The following NAALAD2 variants were observed in gnomAD, a reference collection of about 807,000 sequenced individuals.
NAALAD2 encodes N-acetylated-alpha-linked acidic dipeptidase 2.
In NAALAD2, 89 loss-of-function variants were observed where a neutral mutation model predicts 95.6. The observed-to-expected ratio is 0.93, with a 90% CI of 0.78 to 1.11. The LOEUF is 1.11. Ranked by LOEUF, NAALAD2 falls within the 50% of genes least tolerant of loss-of-function variation. The pLI is 0.00. For synonymous variants in NAALAD2, 264 were observed against 294.4 expected, an observed-to-expected ratio of 0.90 and a Z score of 1.06; for missense variants, 894 against 872.4, an observed-to-expected ratio of 1.02 and a Z score of -0.31.
At position 90,182,909 on chromosome 11, in the gene NAALAD2, C is replaced by T. The variant is rs1289664269; in HGVS notation, c.1941-7C>T. 1.3e-6 allele frequency: 2 copies of T among 1,595,142 alleles called. No homozygotes were observed. The highest frequency in any genetic ancestry group is 1.7e-6 in the Non-Finnish European group (2 of 1,163,634). Reference sequence around the variant, plus strand: ...GCGTTATAATTATGTATATGTTCTTCTCGAAGTCCCATTGCAGTGAGAATG... The same window carrying T: ...GCGTTATAATTATGTATATGTTCTTTTCGAAGTCCCATTGCAGTGAGAATG... On this transcript the variant is annotated splice_polypyrimidine_tract_variant and splice_region_variant and intron_variant, in intron 17 of 18. Coordinates refer to ENST00000534061, the MANE Select transcript of NAALAD2 (RefSeq NM_005467.4).
intron 8 of NAALAD2, 75 bp downstream of exon 8, chr11:90,159,412 C>A: frequency 9.3e-7 from 1 of 1,079,924 alleles, no homozygotes; most frequent in Non-Finnish European, 1.4e-6. Flanking sequence ...AACTGTTCTG[C>A]CAGGGGTATT....
chr11:90,186,542 A>G (rs1857148818), intron 18 of NAALAD2, among the ~76,000 whole-genome samples: 1 of 152,210 alleles, frequency 6.6e-6, no homozygotes, highest in African/African-American at 2.4e-5. Flanking sequence ...GTATATACCC[A>G]GTAATGGGAT....
chr11:90,152,183 G>T, intron 5 of NAALAD2, 115 bp from the exon 6 acceptor site: 1 of 927,098 alleles, frequency 1.1e-6, no homozygotes, highest in Non-Finnish European at 1.5e-6. Flanking sequence ...ATGTGTAATT[G>T]TATGGTAAAA....
chr11:90,173,750 AAT>A, intron 13 of NAALAD2, 72 bp from the exon 14 acceptor site: 1 of 988,758 alleles, frequency 1.0e-6, no homozygotes, highest in South Asian at 1.5e-5. Context: ...GATGACAAAT[AAT>A]ATATAGTTTT....
chr11:90,164,821 G>A (rs184629503), intron 11 of NAALAD2, among the ~76,000 whole-genome samples: 3 of 152,008 alleles, frequency 2.0e-5, no homozygotes, highest in Admixed American at 2.0e-4. Flanking sequence ...TGAAAAACCT[G>A]GTTTGAAATG....
chr11:90,151,961 G>T (rs1374396897), intron 5 of NAALAD2, among the ~76,000 whole-genome samples: 4 of 152,154 alleles, frequency 2.6e-5, no homozygotes, highest in Non-Finnish European at 5.9e-5. Flanking sequence ...TAATAGGAGA[G>T]ATAGATATTT....
chr11:90,144,673 C>T (rs564419461), intron 2 of NAALAD2, among the ~76,000 whole-genome samples: 15 of 142,658 alleles, frequency 1.1e-4, no homozygotes, highest in Non-Finnish European at 2.2e-4. Context: ...ACCTGGGAGG[C>T]GGAGGTTGCA....
intron 18 of NAALAD2, among the ~76,000 whole-genome samples, chr11:90,184,879 G>C (rs1320446593): frequency 2.5e-4 from 38 of 151,942 alleles, no homozygotes; most frequent in Admixed American, 2.5e-3. Context: ...AAAATGAATG[G>C]TTGTGTCTGT....
chr11:90,172,088 A>C (rs1952658420), intron 13 of NAALAD2, among the ~76,000 whole-genome samples: 1 of 152,210 alleles, frequency 6.6e-6, no homozygotes, highest in East Asian at 1.9e-4. Flanking sequence ...AGTATGATTC[A>C]GAAAATGAAG....
rs773524851 is a variant in NAALAD2 at position 90,191,724 on chromosome 11, G to C, written c.2200G>C (p.Gly734Arg). The part of the protein sequence containing the change: ...IAAFTIQAAA[G>R]TLKEVL ...AGCTTTTACAATTCAAGCAGCAGCA[G>C]GAACTCTGAAAGAAGTATTATAGAA... Residue 734 changes from glycine to arginine, a missense_variant, in exon 19 of 19, where the codon GGA (glycine) becomes CGA (arginine). Physicochemically the swap from Gly to Arg is moderately radical, Grantham distance 125. Coordinates refer to ENST00000534061, the MANE Select transcript of NAALAD2 (RefSeq NM_005467.4). The C allele has an allele frequency of 6.3e-7, 1 of 1,588,440 alleles. No individual in the cohort carries two copies. The highest frequency in any genetic ancestry group is 1.4e-5 in the African/African-American group (1 of 73,948).
intron 13 of NAALAD2, among the ~76,000 whole-genome samples, chr11:90,173,332 G>C (rs1274305570): frequency 6.6e-6 from 1 of 152,136 alleles, no homozygotes; most frequent in Non-Finnish European, 1.5e-5. Context: ...ACCCCTGCCT[G>C]CCCTGCAAAA....
chr11:90,170,179 A>G (rs924628392), intron 13 of NAALAD2, 43 bp downstream of exon 13: 1 of 1,133,718 alleles, frequency 8.8e-7, no homozygotes, highest in Non-Finnish European at 1.3e-6. Flanking sequence ...TTTTGAATGG[A>G]TAAATGAATA....
At position 90,181,608 on chromosome 11, in the gene NAALAD2, T is replaced by G. The variant is rs1170469541; in HGVS notation, c.1859-12T>G. On this transcript the variant is annotated splice_polypyrimidine_tract_variant and intron_variant, in intron 16 of 18. Transcript: ENST00000534061. Reference sequence around the variant, plus strand: ...AGCTAATTTCTCTTCTTCTTTTCTATTTTTAAAAAAGACTCCTTATTTTCT... The same window carrying G: ...AGCTAATTTCTCTTCTTCTTTTCTAGTTTTAAAAAAGACTCCTTATTTTCT... The G allele has an allele frequency of 6.4e-7, 1 of 1,562,498 alleles. No homozygotes were observed.
chr11:90,164,639 T>A (rs1322691869), intron 11 of NAALAD2, among the ~76,000 whole-genome samples: 1 of 152,190 alleles, frequency 6.6e-6, no homozygotes, highest in African/African-American at 2.4e-5. Context: ...ACAGTAGCTA[T>A]GTGATTTACC....
At chr11:90,187,999 G>C (rs542793439) in intron 18 of NAALAD2, among the ~76,000 whole-genome samples, 100 of 152,328 alleles carry the variant, frequency 6.6e-4, no homozygotes, top group Admixed American at 1.6e-3. Context: ...GATGGATGAA[G>C]AGTTACAGAC....
intron 7 of NAALAD2, chr11:90,158,455 A>G: frequency 2.3e-6 from 1 of 433,934 alleles, no homozygotes; most frequent in Non-Finnish European, 4.1e-6. Flanking sequence ...GTTCGCTACA[A>G]ATGAAATTCT....
Position 90,163,330 on chromosome 11 carries a change from G to C in NAALAD2, c.1096G>C (p.Gly366Arg). The C allele has an allele frequency of 6.2e-7, 1 of 1,613,784 alleles. No individual in the cohort carries two copies. Among genetic ancestry groups the C allele is most frequent in the African/African-American group, 1.3e-5 (1 of 75,018 alleles). ...TCCAGACAGGTATGTTATTCTGGGA[G>C]GTCACCGGGACTCCTGGGTATTTGG... is the stretch of plus-strand genomic sequence containing the variant. ...VEPDRYVILG[G>R]HRDSWVFGAI... Residue 366 changes from glycine to arginine, a missense_variant, in exon 10 of 19, where the codon GGT (glycine) becomes CGT (arginine). By Grantham distance (125) the Gly-to-Arg change is moderately radical. Transcript: ENST00000534061.
intron 18 of NAALAD2, among the ~76,000 whole-genome samples, chr11:90,190,357 T>G (rs1010758899): frequency 7.2e-5 from 11 of 152,194 alleles, no homozygotes; most frequent in Admixed American, 1.3e-4. Context: ...ACAGGCAGTC[T>G]CAGTCTACAA....
chr11:90,152,312 G>A lies in NAALAD2; in HGVS notation c.624G>A (p.Met208Ile). The part of the protein sequence containing the change: ...IFRGNKVKNA[M>I]LAGAIGIILY... ...TGCCCCTGCAGGTTAAAAATGCCAT[G>A]TTAGCAGGAGCCATAGGAATCATCT... The change falls in exon 6 of 19, where the codon ATG (methionine) becomes ATA (isoleucine). Residue 208 changes from methionine to isoleucine, a missense_variant. Coordinates refer to ENST00000534061, the MANE Select transcript of NAALAD2 (RefSeq NM_005467.4). 1 of 1,598,468 alleles carries A rather than the reference G, an allele frequency of 6.3e-7. No individual in the cohort carries two copies. The highest frequency in any genetic ancestry group is 8.6e-7 in the Non-Finnish European group (1 of 1,167,924).
Sources: allele counts gnomAD v4.1 joint callset (sites outside exome capture counted in the v4.1 genomes callset), GRCh38; gene constraint gnomAD v4.1.1; transcripts MANE v1.5; gene names NCBI Gene and HGNC (gene_info 2026-07-23, HGNC 2026-07-21).